KLHL6: variants seen among roughly 807,000 people sequenced by gnomAD.
KLHL6 encodes kelch-like protein 6.
A neutral mutation model predicts 58.6 loss-of-function variants in KLHL6; 41 were observed. The observed-to-expected ratio is 0.70, with a 90% CI of 0.55 to 0.91. KLHL6 has a LOEUF of 0.91. Among genes scored for constraint, KLHL6 ranks in the 40% least tolerant of loss-of-function variants. The probability of loss-of-function intolerance (pLI) is 0.00; values close to 1 mark genes in which losing one functional copy is unlikely to be tolerated. For missense variants in KLHL6, 714 were observed against 805.6 expected, an observed-to-expected ratio of 0.89 and a Z score of 1.38; for synonymous variants, 338 against 322.7, an observed-to-expected ratio of 1.05 and a Z score of -0.51.
rs921961802 is a variant in KLHL6 at position 183,534,953 on chromosome 3, T to A, written c.294-6943A>T. 2.3e-4 allele frequency among the ~76,000 whole-genome samples: 33 copies of A among 143,944 alleles called. No individual in the cohort carries two copies. The South Asian group carries it at 3.7e-3, about 16-fold the overall frequency. The allele number at this position is 143,944 out of a possible 152,430, so 94.4% of individuals were successfully genotyped here. A position where few individuals can be genotyped will look rare whatever the true frequency, so the allele number is the denominator to read the frequency against. ...ATATACATATATATATATATATATTTTTTTTTTTTGAGACAGAGTCTCTCT... is the reference window on the plus strand; with the variant it reads ...ATATACATATATATATATATATATTATTTTTTTTTGAGACAGAGTCTCTCT... On this transcript the variant is annotated intron_variant, in intron 1 of 6. Transcript: ENST00000341319.
rs567181320 is a variant in KLHL6 at position 183,544,250 on chromosome 3, T to C, written c.293+11111A>G. ...CTTAACGTTTTCCATAGAAGTTAAA[T>C]ACAGTAAAAGAATGCTAACCTTTAC... On this transcript the variant is annotated intron_variant, in intron 1 of 6. Coordinates refer to ENST00000341319, the MANE Select transcript of KLHL6 (RefSeq NM_130446.4). Among the ~76,000 whole-genome samples the C allele has an allele frequency of 3.4e-5, 5 of 145,310 alleles. No homozygotes were observed. The East Asian group carries it at 8.7e-4, about 25-fold the overall frequency.
At chr3:183,552,793 C>T (rs568793646) in intron 1 of KLHL6, among the ~76,000 whole-genome samples, 5 of 150,458 alleles carry the variant, frequency 3.3e-5, no homozygotes, top group South Asian at 2.1e-4. Context: ...CCTGAGCATA[C>T]GAAGAACCCC....
At chr3:183,539,487 A>G (rs1224964275) in intron 1 of KLHL6, among the ~76,000 whole-genome samples, 2 of 152,134 alleles carry the variant, frequency 1.3e-5, no homozygotes, top group African/African-American at 4.8e-5. Flanking sequence ...AGGCTGGCAG[A>G]TCTCGAGGTC....
chr3:183,499,924 G>A lies in KLHL6; in HGVS notation c.910-97C>T. On this transcript the variant is annotated intron_variant, in intron 3 of 6. Transcript: ENST00000341319. The surrounding 1 kb of genome is among the most constrained non-coding windows in gnomAD (Gnocchi z 4.6). ...GGAGTCGGGTCCAATTCCCATATCT[G>A]CCACGGTATGACCATGTGACTTCAC... The A allele has an allele frequency of 1.3e-6, 1 of 798,592 alleles. No homozygotes were observed. The highest frequency in any genetic ancestry group is 1.7e-5 in the African/African-American group (1 of 57,614). The allele number at this position is 798,592 out of a possible 1,614,324, so 49.5% of individuals were successfully genotyped here.
Position 183,491,806 on chromosome 3 carries a change from G to C in KLHL6, c.*121C>G. ...CAAGGTTCCCCCAAAGTGAGTCAAG[G>C]GGATCCCCTGATGTATGGCCTCAAA... is the stretch of plus-strand genomic sequence containing the variant. On this transcript the variant is annotated 3_prime_UTR_variant, in exon 7 of 7. Transcript: ENST00000341319. 1.2e-6 allele frequency: 1 copy of C among 862,718 alleles called. No homozygotes were observed. The highest frequency in any genetic ancestry group is 1.7e-6 in the Non-Finnish European group (1 of 605,504). The allele number at this position is 862,718 out of a possible 1,614,324, so 53.4% of individuals were successfully genotyped here. A position where few individuals can be genotyped will look rare whatever the true frequency, so the allele number is the denominator to read the frequency against.
At chr3:183,520,725 G>C (rs536176746) in intron 2 of KLHL6, 2 of 152,140 alleles carry the variant, frequency 1.3e-5, no homozygotes, top group South Asian at 2.1e-4. Context: ...GTGTAGTAAA[G>C]AGCAATATTG....
intron 1 of KLHL6, among the ~76,000 whole-genome samples, chr3:183,531,851 C>G (rs751063913): frequency 5.3e-5 from 8 of 152,210 alleles, no homozygotes; most frequent in Non-Finnish European, 1.2e-4. Flanking sequence ...AGGTTCACAG[C>G]TGGTGAGGAA....
At chr3:183,498,011 G>A (rs1577176457) in intron 4 of KLHL6, among the ~76,000 whole-genome samples, 1 of 152,090 alleles carries the variant, frequency 6.6e-6, no homozygotes, top group East Asian at 1.9e-4. Context: ...TGAGGCGGGT[G>A]GATCACAAGG....
chr3:183,509,653 T>C (rs1471552406), intron 2 of KLHL6, among the ~76,000 whole-genome samples: 2 of 152,106 alleles, frequency 1.3e-5, no homozygotes, highest in Non-Finnish European at 2.9e-5. Flanking sequence ...GACATGCTGG[T>C]CCCATGACAG....
intron 1 of KLHL6, among the ~76,000 whole-genome samples, chr3:183,554,600 G>A (rs550466417): frequency 1.3e-5 from 2 of 152,212 alleles, no homozygotes; most frequent in African/African-American, 4.8e-5. Context: ...TCCCCACACT[G>A]CCTACACATA....
intron 2 of KLHL6, among the ~76,000 whole-genome samples, chr3:183,511,475 A>G (rs1242846277): frequency 6.6e-6 from 1 of 152,132 alleles, no homozygotes; most frequent in African/African-American, 2.4e-5. Flanking sequence ...TTCCTCTTTT[A>G]CTAATCCTCC....
At chr3:183,550,469 T>A (rs144415868) in intron 1 of KLHL6, among the ~76,000 whole-genome samples, 25 of 152,034 alleles carry the variant, frequency 1.6e-4, no homozygotes, top group African/African-American at 3.4e-4. Flanking sequence ...CCAAGGCACA[T>A]CATTGTGAAA....
intron 1 of KLHL6, among the ~76,000 whole-genome samples, chr3:183,547,426 G>A (rs1712762977): frequency 6.6e-6 from 1 of 152,108 alleles, no homozygotes; most frequent in African/African-American, 2.4e-5. Context: ...TCATTTTGGT[G>A]TTATTTGTCT....
chr3:183,551,294 A>G (rs1712907192), intron 1 of KLHL6, among the ~76,000 whole-genome samples: 1 of 152,122 alleles, frequency 6.6e-6, no homozygotes, highest in Non-Finnish European at 1.5e-5. Context: ...AAGCAGGTGA[A>G]TCCCAGCCAG....
intron 1 of KLHL6, among the ~76,000 whole-genome samples, chr3:183,545,983 C>T (rs192052785): frequency 6.6e-5 from 10 of 152,294 alleles, no homozygotes; most frequent in African/African-American, 9.6e-5. Flanking sequence ...GTTCACTTCA[C>T]GCATTTACAG....
At chr3:183,528,174 A>G (rs182371567) in intron 1 of KLHL6, among the ~76,000 whole-genome samples, 164 bp from the exon 2 acceptor site, 6 of 152,006 alleles carry the variant, frequency 3.9e-5, no homozygotes, top group Admixed American at 6.6e-5. Context: ...CGCATTAGAC[A>G]TTTCATCAGT....
intron 1 of KLHL6, among the ~76,000 whole-genome samples, chr3:183,547,427 T>C (rs1233855381): frequency 2.0e-5 from 3 of 152,172 alleles, no homozygotes; most frequent in Non-Finnish European, 4.4e-5. Context: ...CATTTTGGTG[T>C]TATTTGTCTA....
Position 183,499,022 on chromosome 3 carries a change from T to C in KLHL6, c.1147+568A>G, listed in dbSNP as rs1371417439. Among the ~76,000 whole-genome samples the C allele has an allele frequency of 6.6e-6, 1 of 152,226 alleles. No homozygotes were observed. Among genetic ancestry groups the C allele is most frequent in the Non-Finnish European group, 1.5e-5 (1 of 68,040 alleles). On this transcript the variant is annotated intron_variant, in intron 4 of 6. Coordinates refer to ENST00000341319, the MANE Select transcript of KLHL6 (RefSeq NM_130446.4). This position sits in a 1 kb window ranked among gnomAD's most constrained non-coding sequence, Gnocchi z 4.6. ...TTTTCTGGGAAGGACTAGACTTGTC[T>C]GCCTCCTCCCCAGGTTTTCTATTAA...
intron 1 of KLHL6, among the ~76,000 whole-genome samples, chr3:183,538,704 C>G (rs931678691): frequency 6.6e-6 from 1 of 152,134 alleles, no homozygotes; most frequent in African/African-American, 2.4e-5. Context: ...GCAAGTGTGA[C>G]CTAGCATGAC....
Sources: allele counts gnomAD v4.1 joint callset (sites outside exome capture counted in the v4.1 genomes callset), GRCh38; gene constraint gnomAD v4.1.1; non-coding constraint Gnocchi (gnomAD v3.1); transcripts MANE v1.5; gene names NCBI Gene and HGNC (gene_info 2026-07-23, HGNC 2026-07-21).